The following UNC93A variants were observed in gnomAD, a reference collection of about 807,000 sequenced individuals.
UNC93A encodes N-acetylglucosamine transporter UNC93A.
In UNC93A, 43 loss-of-function variants were observed where a neutral mutation model predicts 47.5. The observed-to-expected ratio is 0.91, with a 90% CI of 0.71 to 1.17. The LOEUF (loss-of-function observed/expected upper bound fraction) is 1.17. UNC93A is among the 50% of genes most tolerant of loss of function. The pLI is 0.00. For missense variants in UNC93A, 605 were observed against 577.6 expected, an observed-to-expected ratio of 1.05 and a Z score of -0.49; for synonymous variants, 280 against 258.0, an observed-to-expected ratio of 1.09 and a Z score of -0.82.
At position 167,291,560 on chromosome 6, in the gene UNC93A, G is replaced by T. The variant is rs1198764682; in HGVS notation, c.71G>T (p.Gly24Val). The T allele has an allele frequency of 1.2e-6, 2 of 1,613,022 alleles. No homozygotes were observed. Among genetic ancestry groups the T allele is most frequent in the Admixed American group, 1.7e-5 (1 of 59,874 alleles). The change falls in exon 1 of 8, where the codon GGT becomes GTT. Residue 24 changes from glycine to valine, a missense_variant. Transcript: ENST00000230256. ...GFLLLFTAYG[G>V]LQSLQSSLYS... is the part of the protein sequence containing the mutation. ...CTGCTTCTCTTTACAGCCTATGGAG[G>T]TCTGCAGAGCCTGCAGGTATGTGTG...
intron 7 of UNC93A, among the ~76,000 whole-genome samples, chr6:167,311,614 C>A (rs1778557044): frequency 6.6e-6 from 1 of 152,238 alleles, no homozygotes; most frequent in Admixed American, 6.5e-5. Context: ...ATTCACTTAA[C>A]CTGTCTTCTC....
chr6:167,287,545 C>T (rs899983657), upstream of UNC93A, among the ~76,000 whole-genome samples: 25 of 152,066 alleles, frequency 1.6e-4, no homozygotes, highest in Admixed American at 7.9e-4. Context: ...TGTGGTACCC[C>T]AGTACATTAG....
intron 1 of UNC93A, among the ~76,000 whole-genome samples, chr6:167,277,742 T>C (rs185831293): frequency 6.6e-6 from 1 of 152,014 alleles, no homozygotes; most frequent in Non-Finnish European, 1.5e-5. Context: ...ACTCTTTCTG[T>C]CTCTCTGGCT....
intron 5 of UNC93A, 102 bp downstream of exon 5, chr6:167,304,235 C>T (rs1778320298): frequency 2.3e-6 from 3 of 1,331,156 alleles, no homozygotes; most frequent in Admixed American, 1.7e-5. Flanking sequence ...GGCCACCTGC[C>T]CAGGGCTGGG....
chr6:167,292,788 G>T (rs1783870376), intron 1 of UNC93A, among the ~76,000 whole-genome samples: 1 of 152,204 alleles, frequency 6.6e-6, no homozygotes, highest in African/African-American at 2.4e-5. Flanking sequence ...TTTCTGGAAG[G>T]AGGGAGTCTC....
chr6:167,300,562 T>C (rs1413561863), intron 4 of UNC93A, among the ~76,000 whole-genome samples: 1 of 152,120 alleles, frequency 6.6e-6, no homozygotes, highest in Non-Finnish European at 1.5e-5. Flanking sequence ...AGGCCCAGAC[T>C]GAGGGTTTCA....
At chr6:167,287,991 G>T (rs1226554528), upstream of UNC93A, among the ~76,000 whole-genome samples, 3 of 152,194 alleles carry the variant, frequency 2.0e-5, no homozygotes, top group Non-Finnish European at 4.4e-5. Context: ...GGCCCTTGAC[G>T]GTCTTGGCTG....
upstream of UNC93A, among the ~76,000 whole-genome samples, chr6:167,289,393 C>T (rs1427155454): frequency 6.6e-6 from 1 of 152,128 alleles, no homozygotes; most frequent in African/African-American, 2.4e-5. Flanking sequence ...GTGAAATATA[C>T]TGTTCATTTA....
At chr6:167,271,898 A>G (rs1336205624) in intron 1 of UNC93A, among the ~76,000 whole-genome samples, 2 of 152,154 alleles carry the variant, frequency 1.3e-5, no homozygotes, top group African/African-American at 2.4e-5. Context: ...AGCCAGCTAA[A>G]CACATGGGAA....
At chr6:167,293,363 G>T (rs554515115) in intron 1 of UNC93A, among the ~76,000 whole-genome samples, 2 of 152,116 alleles carry the variant, frequency 1.3e-5, no homozygotes, top group Admixed American at 6.5e-5. Context: ...ACTGTGGAAG[G>T]GTCCCCTCCA....
intron 4 of UNC93A, among the ~76,000 whole-genome samples, chr6:167,298,633 A>G (rs1778157025): frequency 6.6e-6 from 1 of 151,850 alleles, no homozygotes; most frequent in Non-Finnish European, 1.5e-5. Context: ...TTGCAAGCTC[A>G]TGGTGAAAGG....
rs373686334 is a variant in UNC93A at position 167,303,982 on chromosome 6, G to A, written c.689G>A (p.Arg230Gln). 1.4e-5 allele frequency: 23 copies of A among 1,613,432 alleles called. No individual in the cohort carries two copies. Among genetic ancestry groups the A allele is most frequent in the South Asian group, 1.1e-5 (1 of 91,044 alleles). Residue 230 changes from arginine to glutamine, a missense_variant, in exon 5 of 8, where the codon CGG becomes CAG. Physicochemically the swap from Arg to Gln is conservative, Grantham distance 43. Coordinates refer to ENST00000230256, the MANE Select transcript of UNC93A (RefSeq NM_018974.4). ...AFLQPIRDVQ[R>Q]ESEGEKKSVP... ...CTCCAACCCATACGAGATGTTCAGC[G>A]GGAAAGTGAAGGAGAGAAGAAATCA...
intron 1 of UNC93A, among the ~76,000 whole-genome samples, chr6:167,276,708 G>A (rs1036962154): frequency 6.6e-6 from 1 of 152,130 alleles, no homozygotes; most frequent in Admixed American, 6.5e-5. Flanking sequence ...CCATGTTTGG[G>A]AAATTTTCAC....
At position 167,278,867 on chromosome 6, in the gene UNC93A, C is replaced by T. The variant is rs560857821; in HGVS notation, c.-52+7409C>T. 8.7e-4 allele frequency among the ~76,000 whole-genome samples: 132 copies of T among 152,302 alleles called. 1 individual carries two copies. Among genetic ancestry groups the T allele is most frequent in the African/African-American group, 3.0e-3 (126 of 41,550 alleles). On this transcript the variant is annotated intron_variant, in intron 1 of 3. Coordinates refer to the UNC93A transcript ENST00000503433. ...TTTAACAGTTACAGAATCATCTACA[C>T]GGATGTCACCCTGACAGTTGTAATG...
At chr6:167,307,691 G>A (rs537477165) in intron 6 of UNC93A, 88 bp from the exon 7 acceptor site, 7 of 1,529,170 alleles carry the variant, frequency 4.6e-6, no homozygotes, top group Non-Finnish European at 4.4e-6. Flanking sequence ...CGGTTGAGAT[G>A]GTTGCTCCAG....
chr6:167,302,281 A>G (rs1364753705), intron 4 of UNC93A, among the ~76,000 whole-genome samples: 1 of 152,116 alleles, frequency 6.6e-6, no homozygotes, highest in Non-Finnish European at 1.5e-5. Context: ...TCACACGAGG[A>G]CACTGATGCT....
At chr6:167,313,957 C>A (rs1778623159) in intron 7 of UNC93A, among the ~76,000 whole-genome samples, 1 of 152,154 alleles carries the variant, frequency 6.6e-6, no homozygotes, top group South Asian at 2.1e-4. Flanking sequence ...AAGAAGGGTG[C>A]CTTGTCCTGA....
chr6:167,299,445 G>T (rs1198632473), intron 4 of UNC93A, among the ~76,000 whole-genome samples: 1 of 152,158 alleles, frequency 6.6e-6, no homozygotes, highest in Admixed American at 6.5e-5. Context: ...CAGAGGCTCT[G>T]AGTGAGCACT....
intron 1 of UNC93A, among the ~76,000 whole-genome samples, chr6:167,286,015 G>T (rs1783725114): frequency 7.0e-6 from 1 of 141,878 alleles, no homozygotes; most frequent in Non-Finnish European, 1.5e-5. Context: ...AATACATTTT[G>T]TATATATGCA....
Sources: gnomAD v4.1 joint callset for allele counts (sites outside exome capture counted in the v4.1 genomes callset) on GRCh38, gnomAD v4.1.1 for gene constraint, MANE v1.5 for transcripts, NCBI Gene and HGNC (gene_info 2026-07-23, HGNC 2026-07-21) for gene names.